THUMPD2: variants seen among roughly 807,000 people sequenced by gnomAD.
THUMPD2 encodes U6 snRNA (guanine-N(2))-methyltransferase THUMPD2.
In THUMPD2, 56 loss-of-function variants were observed where a neutral mutation model predicts 49.4. The ratio of observed to expected loss-of-function variants is 1.13; its 90% CI spans 0.91 to 1.41. The LOEUF is 1.41. THUMPD2 is among the 40% of genes most tolerant of loss of function. The pLI, the probability that THUMPD2 is intolerant of heterozygous loss-of-function variation, is 0.00. For missense variants in THUMPD2, 709 were observed against 594.5 expected (o/e 1.19, Z -2.00); for synonymous variants, 237 against 205.2 (o/e 1.15, Z -1.32).
intron 8 of THUMPD2, among the ~76,000 whole-genome samples, chr2:39,751,767 C>G (rs925300905): frequency 4.8e-5 from 7 of 145,674 alleles, no homozygotes; most frequent in Admixed American, 2.2e-4. Context: ...TCACTGCAAC[C>G]TTCACCTCTT....
In THUMPD2 at chr2:39,769,994, C is replaced by T; in HGVS notation, c.388G>A (p.Asp130Asn). The T allele has an allele frequency of 6.3e-7, 1 of 1,576,480 alleles. No homozygotes were observed. Among genetic ancestry groups the T allele is most frequent in the Non-Finnish European group, 8.5e-7 (1 of 1,169,664 alleles). ...CCCACTTTTCTTTTTAGTTGGTTAT[C>T]ATCTCTCTGAGAAAGTTTTTCCTTT... ...AKKEKLSQRDDNQLKRKVGEN... is the reference protein window; with the variant it reads ...AKKEKLSQRDNNQLKRKVGEN... The change falls in exon 3 of 10, where the codon GAT (aspartate) becomes AAT (asparagine). Residue 130 changes from aspartate (D) to asparagine (N), a missense_variant. Coordinates refer to ENST00000505747, the MANE Select transcript of THUMPD2 (RefSeq NM_025264.5).
chr2:39,757,284 G>A, intron 6 of THUMPD2: 1 of 837,490 alleles, frequency 1.2e-6, no homozygotes, highest in Non-Finnish European at 1.8e-6. Context: ...AGATAGGGGA[G>A]AAAAGACATC....
chr2:39,755,510 T>C (rs1572804694), intron 7 of THUMPD2, 101 bp from the exon 8 acceptor site: 3 of 768,328 alleles, frequency 3.9e-6, no homozygotes, highest in Admixed American at 3.4e-5. Context: ...GTGAAATTAG[T>C]AGATTTTAAA....
chr2:39,774,709 G>A (rs1258378774), intron 1 of THUMPD2, among the ~76,000 whole-genome samples: 2 of 151,996 alleles, frequency 1.3e-5, no homozygotes, highest in Non-Finnish European at 2.9e-5. Flanking sequence ...GCTTGTAACT[G>A]TTCATATTTA....
chr2:39,770,038 A>G lies in THUMPD2; in HGVS notation c.344T>C (p.Leu115Pro), dbSNP rs773763870. The change falls in exon 3 of 10, where the codon CTT (leucine) becomes CCT (proline). Residue 115 changes from leucine (L) to proline (P), a missense_variant. Transcript: ENST00000505747. Reference protein sequence around the residue: ...WLNAISIWKNLLELDAKKEKL... With the variant: ...WLNAISIWKNPLELDAKKEKL... ...TTCCTTTTTTGCATCAAGTTCAAGA[A>G]GATTTTTCCAAATTGAAATGGCATT... The G allele has an allele frequency of 6.4e-7, 1 of 1,572,760 alleles. No individual in the cohort carries two copies. Among genetic ancestry groups the G allele is most frequent in the South Asian group, 1.2e-5 (1 of 82,272 alleles).
At chr2:39,738,011 C>A (rs1159494440) in intron 9 of THUMPD2, among the ~76,000 whole-genome samples, 2 of 151,964 alleles carry the variant, frequency 1.3e-5, no homozygotes, top group African/African-American at 2.4e-5. Flanking sequence ...GGATACACAG[C>A]CTGGAGTAAT....
At chr2:39,765,146 G>A (rs951108597) in intron 5 of THUMPD2, among the ~76,000 whole-genome samples, 1 of 151,994 alleles carries the variant, frequency 6.6e-6, no homozygotes, top group Non-Finnish European at 1.5e-5. Flanking sequence ...TGCTACGGGT[G>A]AGATACTCTT....
intron 8 of THUMPD2, among the ~76,000 whole-genome samples, chr2:39,750,777 A>G (rs1405873961): frequency 6.6e-6 from 1 of 152,206 alleles, no homozygotes; most frequent in Admixed American, 6.5e-5. Flanking sequence ...CTATAAACAG[A>G]CTTGTTTCAT....
intron 6 of THUMPD2, among the ~76,000 whole-genome samples, chr2:39,760,306 G>T (rs901988425): frequency 6.6e-6 from 1 of 152,094 alleles, no homozygotes; most frequent in Non-Finnish European, 1.5e-5. Flanking sequence ...GGTAAAAACG[G>T]TGTGTCTTGG....
chr2:39,744,407 C>T lies in THUMPD2; in HGVS notation c.1150G>A (p.Gly384Arg), dbSNP rs536049570. The T allele has an allele frequency of 1.3e-6, 2 of 1,582,808 alleles. No individual in the cohort carries two copies. The highest frequency in any genetic ancestry group is 2.3e-5 in the East Asian group (1 of 42,660). ...TGTAGAATGCTTTTGATGTCTTTTC[C>T]TAACTTAAACTTTTTCCCAAATGGA... ...DIPFGKKFKL[G>R]KDIKSILQEM... Residue 384 changes from glycine (G) to arginine (R), a missense_variant, in exon 9 of 10, where the codon GGA becomes AGA. Coordinates refer to ENST00000505747, the MANE Select transcript of THUMPD2 (RefSeq NM_025264.5).
chr2:39,769,956 G>T lies in THUMPD2; in HGVS notation c.426C>A (p.Ile142=). 1.3e-6 allele frequency: 2 copies of T among 1,576,606 alleles called. No individual in the cohort carries two copies. The highest frequency in any genetic ancestry group is 1.2e-5 in the South Asian group (1 of 82,598). ...QLKRKVGENE[I]IAKKLKIEQM... is the part of the protein sequence containing the mutation. The stretch of plus-strand genomic sequence containing the variant: ...GTTCTATTTTTAATTTCTTTGCAAT[G>T]ATTTCATTTTCTCCCACTTTTCTTT... The change falls in exon 3 of 10, where the codon ATC becomes ATA. Residue 142 remains isoleucine, a synonymous_variant. Transcript: ENST00000505747.
intron 3 of THUMPD2, 41 bp downstream of exon 3, chr2:39,769,669 C>A: frequency 6.8e-7 from 1 of 1,467,062 alleles, no homozygotes; most frequent in Non-Finnish European, 9.0e-7. Flanking sequence ...CAACTGCATT[C>A]CAGCCTGGGC....
At chr2:39,776,434 C>G (rs1679105989) in intron 1 of THUMPD2, among the ~76,000 whole-genome samples, 1 of 150,872 alleles carries the variant, frequency 6.6e-6, no homozygotes, top group Non-Finnish European at 1.5e-5. Flanking sequence ...CACTCTGTCA[C>G]CCAGGCTGGA....
intron 8 of THUMPD2, among the ~76,000 whole-genome samples, chr2:39,748,749 G>C (rs1297325968): frequency 1.3e-5 from 2 of 152,072 alleles, no homozygotes; most frequent in African/African-American, 4.8e-5. Context: ...CAGCACTCCG[G>C]GAGGCTGAGC....
intron 2 of THUMPD2, among the ~76,000 whole-genome samples, chr2:39,770,878 C>T (rs965907092): frequency 1.4e-4 from 22 of 152,164 alleles, no homozygotes; most frequent in African/African-American, 4.1e-4. Context: ...TGATCTCTTA[C>T]GTAATTCAAA....
chr2:39,761,450 T>C lies in THUMPD2; in HGVS notation c.804-32A>G, dbSNP rs368580431. 2.5e-6 allele frequency: 4 copies of C among 1,581,974 alleles called. No homozygotes were observed. In the African/African-American group the frequency reaches 5.4e-5, roughly 21 times the overall value. On this transcript the variant is annotated intron_variant, in intron 5 of 9. Transcript: ENST00000505747. ...AGGATAGAATCTGATTATATATTATTACACATTGAACAACAAGATATAAAA... is the reference window on the plus strand; with the variant it reads ...AGGATAGAATCTGATTATATATTATCACACATTGAACAACAAGATATAAAA...
chr2:39,736,511 G>A lies in THUMPD2; in HGVS notation c.*224C>T. ...CATTCTGACAGAAGATAAAACTTAA[G>A]TCTAAAAAATATTCGATAACTTTTT... is the stretch of plus-strand genomic sequence containing the variant. On this transcript the variant is annotated 3_prime_UTR_variant, in exon 10 of 10. Transcript: ENST00000505747. 2.4e-6 allele frequency: 1 copy of A among 409,938 alleles called. No individual in the cohort carries two copies. The highest frequency in any genetic ancestry group is 4.3e-6 in the Non-Finnish European group (1 of 232,142). 25.4% of individuals were successfully genotyped at this position (409,938 alleles called of 1,614,324 possible). A position where few individuals can be genotyped will look rare whatever the true frequency, so the allele number is the denominator to read the frequency against.
intron 8 of THUMPD2, among the ~76,000 whole-genome samples, chr2:39,750,154 G>C (rs1005964800): frequency 6.6e-6 from 1 of 152,052 alleles, no homozygotes; most frequent in Non-Finnish European, 1.5e-5. Context: ...TTCTGCCTCC[G>C]GATCTTTGAG....
At chr2:39,747,111 A>G (rs1433041357) in intron 8 of THUMPD2, among the ~76,000 whole-genome samples, 1 of 152,182 alleles carries the variant, frequency 6.6e-6, no homozygotes, top group Non-Finnish European at 1.5e-5. Context: ...TTCATATTTC[A>G]AAATGTTTGT....
Sources: allele counts gnomAD v4.1 joint callset (sites outside exome capture counted in the v4.1 genomes callset), GRCh38; gene constraint gnomAD v4.1.1; transcripts MANE v1.5; gene names NCBI Gene and HGNC (gene_info 2026-07-23, HGNC 2026-07-21).